MAGI2: variants seen among roughly 807,000 people sequenced by gnomAD.
The protein encoded by MAGI2 is membrane associated guanylate kinase, WW and PDZ domain containing 2.
MAGI2 carries 35 observed loss-of-function variants against 133.3 expected under a neutral mutation model. That is an observed-to-expected ratio of 0.26 (90% CI 0.20 to 0.35). The LOEUF is 0.35. Ranked by LOEUF, MAGI2 falls within the 10% of genes least tolerant of loss-of-function variation. MAGI2 has a pLI of 1.00. For missense variants in MAGI2, 1,636 were observed against 1,863.4 expected (o/e 0.88, Z 2.25); for synonymous variants, 729 against 710.6 (o/e 1.03, Z -0.41).
In MAGI2 at chr7:78,541,013, A is replaced by G. The variant is rs138292104; in HGVS notation, c.539-19368T>C. On this transcript the variant is annotated intron_variant, in intron 3 of 21. Transcript: ENST00000354212. ...GTCTGTGAATTCTTTCAGTTTTCCT[A>G]GTATGTTCCTGCAGTAGTTCTTGGA... is the stretch of plus-strand genomic sequence containing the variant. Among the ~76,000 whole-genome samples the G allele has an allele frequency of 1.5e-3, 224 of 152,246 alleles. 1 individual carries two copies. The highest frequency in any genetic ancestry group is 5.0e-3 in the African/African-American group (209 of 41,546).
chr7:78,217,060 A>G (rs183936970), intron 10 of MAGI2, among the ~76,000 whole-genome samples: 1 of 152,322 alleles, frequency 6.6e-6, no homozygotes, highest in Admixed American at 6.5e-5. Context: ...TAAGGACACA[A>G]GTTCTATTGG....
chr7:78,992,466 T>C (rs1031047067), intron 2 of MAGI2, among the ~76,000 whole-genome samples: 5 of 152,154 alleles, frequency 3.3e-5, no homozygotes, highest in African/African-American at 1.2e-4. Flanking sequence ...CATTGCTAAC[T>C]GACCATTTTT....
At position 78,455,708 on chromosome 7, in the gene MAGI2, A is replaced by G. The variant is rs547136163; in HGVS notation, c.1045+34053T>C. On this transcript the variant is annotated intron_variant, in intron 6 of 21. Transcript: ENST00000354212. ...AATATAGTCGCTATACCAACACATA[A>G]TTGTTAGTTTGTTATTTCTCATGTT... 3.3e-5 allele frequency among the ~76,000 whole-genome samples: 5 copies of G among 152,228 alleles called. No homozygotes were observed. The East Asian group carries it at 5.8e-4, about 18-fold the overall frequency.
At chr7:78,747,029 T>C (rs899376915) in intron 2 of MAGI2, among the ~76,000 whole-genome samples, 31 of 152,162 alleles carry the variant, frequency 2.0e-4, no homozygotes, top group Admixed American at 1.8e-3. Context: ...GTCCAAATGA[T>C]AGATCAGAGG....
intron 1 of MAGI2, among the ~76,000 whole-genome samples, chr7:79,258,369 A>G (rs1195481097): frequency 6.6e-6 from 1 of 152,236 alleles, no homozygotes; most frequent in South Asian, 2.1e-4. Flanking sequence ...CAACAGGGGA[A>G]AAAACTTTAT....
At chr7:79,191,661 G>T (rs778829314) in intron 1 of MAGI2, among the ~76,000 whole-genome samples, 16 of 151,320 alleles carry the variant, frequency 1.1e-4, no homozygotes, top group Non-Finnish European at 1.2e-4. Flanking sequence ...CTTACAAAAA[G>T]TTTCTACTTT....
chr7:79,047,580 G>T lies in MAGI2; in HGVS notation c.302-40374C>A, dbSNP rs193196721. ...TCTTTTATATGTGTGTTTCATGAAA[G>T]AATTAAATTAGGGAAAAACCTCTAT... is the stretch of plus-strand genomic sequence containing the variant. On this transcript the variant is annotated intron_variant, in intron 1 of 21. Transcript: ENST00000354212. Among the ~76,000 whole-genome samples, 5 of 151,952 alleles carry T rather than the reference G, an allele frequency of 3.3e-5. No homozygotes were observed. In the East Asian group the frequency reaches 9.7e-4, roughly 29 times the overall value.
At chr7:78,787,420 C>T (rs1826927415) in intron 2 of MAGI2, among the ~76,000 whole-genome samples, 1 of 152,056 alleles carries the variant, frequency 6.6e-6, no homozygotes, top group Admixed American at 6.6e-5. Flanking sequence ...TCAGGGTACA[C>T]ATGAGAAAAT....
intron 6 of MAGI2, among the ~76,000 whole-genome samples, chr7:78,371,430 C>T (rs901587982): frequency 6.6e-6 from 1 of 151,692 alleles, no homozygotes; most frequent in Non-Finnish European, 1.5e-5. Flanking sequence ...CAATCATGTT[C>T]AATAAACATA....
At chr7:78,597,298 C>T (rs1238916851) in intron 3 of MAGI2, among the ~76,000 whole-genome samples, 11 of 149,946 alleles carry the variant, frequency 7.3e-5, no homozygotes, top group African/African-American at 1.2e-4. Context: ...AACATTATAA[C>T]GTATACTTCT....
At chr7:79,412,868 G>A (rs899545815) in intron 1 of MAGI2, 2 of 151,998 alleles carry the variant, frequency 1.3e-5, no homozygotes, top group African/African-American at 4.8e-5. Context: ...TGGCCCTAAG[G>A]GAACAGCCAA....
chr7:78,521,674 G>A (rs1294123214), intron 3 of MAGI2, 29 bp from the exon 4 acceptor site: 1 of 1,577,648 alleles, frequency 6.3e-7, no homozygotes. Context: ...CATTCTTGGA[G>A]TTAAATATTT....
chr7:79,296,489 A>G (rs544024158), intron 1 of MAGI2, among the ~76,000 whole-genome samples: 35 of 152,328 alleles, frequency 2.3e-4, no homozygotes, highest in Non-Finnish European at 3.4e-4. Flanking sequence ...TACACAATAT[A>G]ACACTCCTCA....
At chr7:78,420,841 C>T (rs2191331) in intron 6 of MAGI2, among the ~76,000 whole-genome samples, 17 of 152,170 alleles carry the variant, frequency 1.1e-4, no homozygotes, top group African/African-American at 3.6e-4. Context: ...GATTGTAAAC[C>T]GTATTGAGCA....
intron 2 of MAGI2, among the ~76,000 whole-genome samples, chr7:78,742,438 C>T (rs775792462): frequency 5.9e-5 from 9 of 152,138 alleles, no homozygotes; most frequent in Non-Finnish European, 1.2e-4. Flanking sequence ...AAATTAATTT[C>T]TTCTTATCTA....
intron 1 of MAGI2, among the ~76,000 whole-genome samples, chr7:79,147,046 G>A (rs1822709687): frequency 6.6e-6 from 1 of 152,162 alleles, no homozygotes. Flanking sequence ...TCATATCTCA[G>A]GTCTAACAGT....
chr7:79,334,290 T>C (rs1018956024), intron 1 of MAGI2, among the ~76,000 whole-genome samples: 6 of 152,324 alleles, frequency 3.9e-5, no homozygotes, highest in Middle Eastern at 3.4e-3. Flanking sequence ...GTATAATACT[T>C]ACATATTGAT....
At chr7:79,072,028 C>T (rs1696748122) in intron 1 of MAGI2, among the ~76,000 whole-genome samples, 1 of 152,102 alleles carries the variant, frequency 6.6e-6, no homozygotes, top group South Asian at 2.1e-4. Context: ...CTCATGGCTT[C>T]CCTTGGCCAG....
chr7:79,301,485 A>G (rs1228770550), intron 1 of MAGI2, among the ~76,000 whole-genome samples: 1 of 152,138 alleles, frequency 6.6e-6, no homozygotes, highest in African/African-American at 2.4e-5. Flanking sequence ...CTTTTGGCCA[A>G]TTTCTCCCTT....
Sources: allele counts gnomAD v4.1 joint callset (sites outside exome capture counted in the v4.1 genomes callset), GRCh38; gene constraint gnomAD v4.1.1; transcripts MANE v1.5; gene names NCBI Gene and HGNC (gene_info 2026-07-23, HGNC 2026-07-21).